GALNTL6: variants seen among roughly 807,000 people sequenced by gnomAD.
GALNTL6 encodes the protein polypeptide N-acetylgalactosaminyltransferase like 6, also known as polypeptide N-acetylgalactosaminyltransferase-like 6.
In GALNTL6, 46 loss-of-function variants were observed where a neutral mutation model predicts 73.7. That is an observed-to-expected ratio of 0.62 (90% CI 0.49 to 0.80). GALNTL6 has a LOEUF of 0.80. Ranked by LOEUF, GALNTL6 falls within the 30% of genes least tolerant of loss-of-function variation. GALNTL6 has a pLI of 0.00. For missense variants in GALNTL6, 604 were observed against 755.0 expected, an observed-to-expected ratio of 0.80 and a Z score of 2.34; for synonymous variants, 259 against 263.7, an observed-to-expected ratio of 0.98 and a Z score of 0.17.
chr4:172,878,144 C>T (rs1220178965), intron 7 of GALNTL6, among the ~76,000 whole-genome samples: 1 of 151,880 alleles, frequency 6.6e-6, no homozygotes, highest in African/African-American at 2.4e-5. Context: ...ACATTAAAAT[C>T]TTTTATCTGT....
chr4:172,547,363 G>A (rs1384971680), intron 5 of GALNTL6, among the ~76,000 whole-genome samples: 1 of 152,030 alleles, frequency 6.6e-6, no homozygotes, highest in Non-Finnish European at 1.5e-5. Flanking sequence ...CTTTTGGGGT[G>A]CTCATCTATT....
intron 5 of GALNTL6, among the ~76,000 whole-genome samples, chr4:172,781,864 T>C (rs1472260255): frequency 6.6e-6 from 1 of 151,646 alleles, no homozygotes; most frequent in South Asian, 2.1e-4. Context: ...GTATTATTTA[T>C]TTATATGTAT....
chr4:172,913,768 GGTGTACCTTAAA>G (rs1348879038), intron 8 of GALNTL6, among the ~76,000 whole-genome samples: 15 of 152,298 alleles, frequency 9.8e-5, no homozygotes, highest in African/African-American at 3.6e-4. Context: ...ACATTTGATT[GGTGTACCTTAAA>G]GTGATGGGAA....
At position 172,137,908 on chromosome 4, in the gene GALNTL6, A is replaced by G. The variant is rs143821538; in HGVS notation, c.139-91748A>G. On this transcript the variant is annotated intron_variant, in intron 2 of 12. Coordinates refer to ENST00000506823, the MANE Select transcript of GALNTL6 (RefSeq NM_001034845.3). ...GGCTTGAATTGTCTTTCTTTAGGCT[A>G]CCAAATAGTAAGCCAGCTGCATTTG... Among the ~76,000 whole-genome samples the G allele has an allele frequency of 6.1e-3, 926 of 152,314 alleles. 4 individuals are homozygous for G. The highest frequency in any genetic ancestry group is 0.012 in the Admixed American group (181 of 15,298).
chr4:172,307,788 G>A (rs1740197434), intron 3 of GALNTL6, among the ~76,000 whole-genome samples: 1 of 152,070 alleles, frequency 6.6e-6, no homozygotes, highest in South Asian at 2.1e-4. Flanking sequence ...GTCAGGTAAT[G>A]TGATGCCTCC....
intron 10 of GALNTL6, among the ~76,000 whole-genome samples, chr4:173,008,085 A>G (rs1752379424): frequency 6.6e-6 from 1 of 152,234 alleles, no homozygotes; most frequent in East Asian, 1.9e-4. Flanking sequence ...CATTTAATTT[A>G]TCATCCAAAA....
intron 8 of GALNTL6, among the ~76,000 whole-genome samples, chr4:172,927,740 T>G (rs1233982160): frequency 6.6e-6 from 1 of 152,048 alleles, no homozygotes; most frequent in Non-Finnish European, 1.5e-5. Flanking sequence ...CACAATGGAG[T>G]AGCCTCAGAG....
intron 2 of GALNTL6, among the ~76,000 whole-genome samples, chr4:172,206,950 T>C (rs1326473097): frequency 6.6e-6 from 1 of 151,476 alleles, no homozygotes. Context: ...CCCGAGTAGC[T>C]GGGACTACAG....
At chr4:172,209,365 A>G (rs1736251200) in intron 2 of GALNTL6, among the ~76,000 whole-genome samples, 1 of 151,786 alleles carries the variant, frequency 6.6e-6, no homozygotes, top group African/African-American at 2.4e-5. Flanking sequence ...CAATCTATGT[A>G]TTATAACCTA....
At chr4:172,671,218 T>C (rs1317498105) in intron 5 of GALNTL6, among the ~76,000 whole-genome samples, 2 of 152,254 alleles carry the variant, frequency 1.3e-5, no homozygotes, top group African/African-American at 4.8e-5. Flanking sequence ...GAAATAATAT[T>C]GAATCTATAA....
chr4:172,710,246 T>G (rs1439773080), intron 5 of GALNTL6, among the ~76,000 whole-genome samples: 1 of 152,106 alleles, frequency 6.6e-6, no homozygotes, highest in East Asian at 1.9e-4. Context: ...TGGAACAACA[T>G]TCTAAAAAAT....
intron 2 of GALNTL6, among the ~76,000 whole-genome samples, chr4:171,855,260 A>G (rs896052784): frequency 6.6e-6 from 1 of 151,966 alleles, no homozygotes; most frequent in Non-Finnish European, 1.5e-5. Flanking sequence ...AATCTCCTGC[A>G]CTCCACCATT....
intron 2 of GALNTL6, among the ~76,000 whole-genome samples, chr4:171,841,764 C>T (rs1401523454): frequency 2.6e-5 from 4 of 151,918 alleles, no homozygotes; most frequent in African/African-American, 9.7e-5. Flanking sequence ...AAAAAACCTT[C>T]TATGCAAATT....
At chr4:171,898,432 A>G (rs1736989327) in intron 2 of GALNTL6, among the ~76,000 whole-genome samples, 1 of 152,174 alleles carries the variant, frequency 6.6e-6, no homozygotes, top group South Asian at 2.1e-4. Context: ...TACCTATAAT[A>G]ACTAACCACT....
chr4:172,381,298 A>G (rs534162245), intron 5 of GALNTL6, among the ~76,000 whole-genome samples: 7 of 152,324 alleles, frequency 4.6e-5, no homozygotes, highest in African/African-American at 1.4e-4. Flanking sequence ...GAAATTGACC[A>G]TATTAAAGTG....
At chr4:172,762,623 T>G (rs1306188219) in intron 5 of GALNTL6, among the ~76,000 whole-genome samples, 2 of 152,170 alleles carry the variant, frequency 1.3e-5, no homozygotes, top group Non-Finnish European at 2.9e-5. Context: ...CATGATATTC[T>G]GATTTTATCT....
chr4:171,855,209 C>T (rs1389999827), intron 2 of GALNTL6, among the ~76,000 whole-genome samples: 1 of 152,158 alleles, frequency 6.6e-6, no homozygotes, highest in Non-Finnish European at 1.5e-5. Flanking sequence ...GGCACATATT[C>T]ACCCGTACCG....
At chr4:172,229,497 A>G (rs548663969) in intron 2 of GALNTL6, among the ~76,000 whole-genome samples, 159 bp from the exon 3 acceptor site, 1 of 152,340 alleles carries the variant, frequency 6.6e-6, no homozygotes, top group Non-Finnish European at 1.5e-5. Flanking sequence ...AAATGTGTAT[A>G]AATCTGGTCA....
intron 2 of GALNTL6, among the ~76,000 whole-genome samples, chr4:172,031,102 T>C (rs1741753236): frequency 6.6e-6 from 1 of 152,102 alleles, no homozygotes; most frequent in Non-Finnish European, 1.5e-5. Context: ...AGACTCTGAT[T>C]CTTTTTATGA....
Sources: allele counts gnomAD v4.1 joint callset (sites outside exome capture counted in the v4.1 genomes callset), GRCh38; gene constraint gnomAD v4.1.1; transcripts MANE v1.5; gene names NCBI Gene and HGNC (gene_info 2026-07-23, HGNC 2026-07-21).